The following SMCO2 variants were observed in gnomAD, a reference collection of about 807,000 sequenced individuals.
SMCO2 encodes single-pass membrane protein with coiled-coil domains 2.
SMCO2 carries 25 observed loss-of-function variants against 29.5 expected under a neutral mutation model. The observed-to-expected ratio is 0.85, with a 90% CI of 0.62 to 1.18. The LOEUF (loss-of-function observed/expected upper bound fraction) is 1.18, where lower values mean the gene tolerates loss of function less well. SMCO2 is among the 50% of genes most tolerant of loss of function. The pLI, the probability that SMCO2 is intolerant of heterozygous loss-of-function variation, is 0.00. For synonymous variants in SMCO2, 117 were observed against 123.3 expected, an observed-to-expected ratio of 0.95 and a Z score of 0.34; for missense variants, 348 against 344.5, an observed-to-expected ratio of 1.01 and a Z score of -0.08.
intron 7 of SMCO2, among the ~76,000 whole-genome samples, chr12:27,501,613 A>C (rs2293042): frequency 0.094 from 14,117 of 149,976 alleles, 1,351 homozygotes; most frequent in East Asian, 0.33. Flanking sequence ...CATCATATAC[A>C]TCATGAGTGA....
chr12:27,449,588 G>A, the SMCO2 span, among the ~76,000 whole-genome samples: 1 of 152,322 alleles, frequency 6.6e-6, no homozygotes, highest in Admixed American at 6.5e-5. Flanking sequence ...AAAACCTATT[G>A]TGCCTTGGAT....
intron 5 of SMCO2, among the ~76,000 whole-genome samples, chr12:27,490,257 A>T (rs1949724441): frequency 6.6e-6 from 1 of 152,236 alleles, no homozygotes; most frequent in Non-Finnish European, 1.5e-5. Context: ...CCAGATTCAG[A>T]AGACTATTTA....
chr12:27,501,386 A>C (rs370529157), intron 7 of SMCO2, among the ~76,000 whole-genome samples: 1 of 131,518 alleles, frequency 7.6e-6, no homozygotes, highest in Middle Eastern at 4.5e-3. Context: ...ACTGCAGTCC[A>C]GCTTGGGCGA....
At chr12:27,448,788 C>G in the SMCO2 span, among the ~76,000 whole-genome samples, 4 of 152,146 alleles carry the variant, frequency 2.6e-5, no homozygotes, top group African/African-American at 4.8e-5. Context: ...ATTGATAATT[C>G]ACTCGGAGGT....
intron 4 of SMCO2, among the ~76,000 whole-genome samples, chr12:27,481,762 A>G (rs2135558401): frequency 6.6e-6 from 1 of 152,342 alleles, no homozygotes; most frequent in East Asian, 1.9e-4. Flanking sequence ...CATTTTATCA[A>G]AGTTGTCAAA....
the SMCO2 span, among the ~76,000 whole-genome samples, chr12:27,446,977 T>C: frequency 1.3e-5 from 2 of 152,136 alleles, no homozygotes; most frequent in Non-Finnish European, 2.9e-5. Context: ...TGGCTGAGCA[T>C]TGGCATTTTA....
At chr12:27,432,846 A>G in the SMCO2 span, among the ~76,000 whole-genome samples, 3 of 152,266 alleles carry the variant, frequency 2.0e-5, no homozygotes, top group African/African-American at 7.2e-5. Flanking sequence ...TTACAAGCAT[A>G]TTAAACTCAT....
the SMCO2 span, among the ~76,000 whole-genome samples, chr12:27,427,862 C>G: frequency 6.6e-6 from 1 of 152,126 alleles, no homozygotes; most frequent in Non-Finnish European, 1.5e-5. Flanking sequence ...TTTATTGTTA[C>G]TCAAATCAGC....
chr12:27,450,303 C>T, the SMCO2 span, among the ~76,000 whole-genome samples: 1 of 150,148 alleles, frequency 6.7e-6, no homozygotes. Flanking sequence ...TCCCTCCCTG[C>T]CCCCACCCCC....
intron 7 of SMCO2, among the ~76,000 whole-genome samples, chr12:27,499,713 G>T (rs1404285193): frequency 6.6e-6 from 1 of 150,706 alleles, no homozygotes; most frequent in Non-Finnish European, 1.5e-5. Flanking sequence ...TTTCTCACAT[G>T]ATTACATTCT....
chr12:27,447,776 T>TG, the SMCO2 span, among the ~76,000 whole-genome samples: 4,331 of 151,076 alleles, frequency 0.029, 97 homozygotes, highest in Non-Finnish European at 0.046. Context: ...CCAGACCTCC[T>TG]GAATCAGAAC....
chr12:27,472,319 C>A (rs1949547473), intron 2 of SMCO2, among the ~76,000 whole-genome samples: 1 of 152,126 alleles, frequency 6.6e-6, no homozygotes, highest in Admixed American at 6.6e-5. Context: ...CATAGCATCT[C>A]TGTTGAAAAT....
chr12:27,478,012 C>A (rs1178058253), intron 4 of SMCO2, among the ~76,000 whole-genome samples: 1 of 152,038 alleles, frequency 6.6e-6, no homozygotes, highest in Admixed American at 6.6e-5. Flanking sequence ...ATCTATACAT[C>A]TGGTGTAATA....
chr12:27,443,406 A>T, the SMCO2 span, among the ~76,000 whole-genome samples: 44 of 152,224 alleles, frequency 2.9e-4, no homozygotes, highest in Non-Finnish European at 5.7e-4. Flanking sequence ...CATGGCTAAC[A>T]TCATAGTGAA....
chr12:27,454,217 C>T, the SMCO2 span, among the ~76,000 whole-genome samples: 1 of 152,166 alleles, frequency 6.6e-6, no homozygotes, highest in Non-Finnish European at 1.5e-5. Context: ...CTCCTGGGCT[C>T]AAGTGATTTT....
At chr12:27,423,483 C>T in the SMCO2 span, 1 of 152,022 alleles carries the variant, frequency 6.6e-6, no homozygotes, top group Non-Finnish European at 1.5e-5. Flanking sequence ...CCCGCCACCA[C>T]ACCTGGCTAA....
At chr12:27,472,872 C>T in exon 3 of SMCO2, 1 of 1,549,346 alleles carries the variant, frequency 6.5e-7, no homozygotes, top group Non-Finnish European at 8.7e-7. Flanking sequence ...ACTTCCTTCA[C>T]AAGGTAGACA....
chr12:27,475,492 C>A lies in SMCO2; in HGVS notation c.362+579C>A, dbSNP rs866634874. ...TGGTGACAAGGAAGACTAAACAGATCAACTCGCTATTCAAAGGAAGAGCAT... is the reference window on the plus strand; with the variant it reads ...TGGTGACAAGGAAGACTAAACAGATAAACTCGCTATTCAAAGGAAGAGCAT... On this transcript the variant is annotated intron_variant, in intron 4 of 7. Coordinates refer to ENST00000298876, the Ensembl canonical transcript of SMCO2. 4.3e-6 allele frequency: 6 copies of A among 1,380,868 alleles called. No homozygotes were observed. In the Middle Eastern group the frequency reaches 9.5e-4, roughly 218 times the overall value. The allele number at this position is 1,380,868 out of a possible 1,614,324, so 85.5% of individuals were successfully genotyped here. A position where few individuals can be genotyped will look rare whatever the true frequency, so the allele number is the denominator to read the frequency against.
intron 1 of SMCO2, among the ~76,000 whole-genome samples, chr12:27,470,346 A>C (rs1401062398): frequency 2.6e-5 from 4 of 152,218 alleles, no homozygotes; most frequent in Admixed American, 1.3e-4. Flanking sequence ...TGGTTATTAT[A>C]TATTCCTCTG....
Sources: allele counts gnomAD v4.1 joint callset (sites outside exome capture counted in the v4.1 genomes callset), GRCh38; gene constraint gnomAD v4.1.1; transcripts MANE v1.5; gene names NCBI Gene and HGNC (gene_info 2026-07-23, HGNC 2026-07-21).